Variants in CDYL observed in about 807,000 individuals in gnomAD.
CDYL encodes the protein chromodomain Y-like protein.
CDYL carries 8 observed loss-of-function variants against 47.3 expected under a neutral mutation model. The observed-to-expected ratio is 0.17, with a 90% CI of 0.10 to 0.31. The LOEUF is 0.31. Among genes scored for constraint, CDYL ranks in the 10% least tolerant of loss-of-function variants. The pLI, the probability that CDYL is intolerant of heterozygous loss-of-function variation, is 1.00. For missense variants in CDYL, 471 were observed against 701.4 expected, an observed-to-expected ratio of 0.67 and a Z score of 3.71; for synonymous variants, 266 against 265.0, an observed-to-expected ratio of 1.00 and a Z score of -0.04.
chr6:4,716,113 G>C (rs1431190784), intron 2 of CDYL, among the ~76,000 whole-genome samples: 1 of 151,994 alleles, frequency 6.6e-6, no homozygotes, highest in Non-Finnish European at 1.5e-5. Context: ...GCCTGGCGTG[G>C]TGTGGGTGCC....
rs929492726 is a variant in CDYL, at chr6:4,725,763, G to A, written c.104-8999G>A. ...CAGAAAGGGGCTCCCACAGTGCAGC[G>A]GCGGGCTGAGGGGCTCAAGCGTGGC... On this transcript the variant is annotated intron_variant, in intron 2 of 8. Transcript: ENST00000328908. Among the ~76,000 whole-genome samples the A allele has an allele frequency of 9.9e-5, 15 of 152,256 alleles. 1 individual carries two copies. The highest frequency in any genetic ancestry group is 1.3e-4 in the Admixed American group (2 of 15,288).
At chr6:4,732,507 A>T (rs186667617) in intron 2 of CDYL, among the ~76,000 whole-genome samples, 7 of 151,578 alleles carry the variant, frequency 4.6e-5, no homozygotes, top group African/African-American at 1.7e-4. Context: ...ATTAAAAAAT[A>T]AAAAATTCAC....
intron 2 of CDYL, among the ~76,000 whole-genome samples, chr6:4,913,321 C>T (rs904555155): frequency 9.2e-5 from 14 of 152,118 alleles, no homozygotes; most frequent in South Asian, 2.1e-4. Context: ...AGCATTACAT[C>T]GGTAATTTGC....
chr6:4,907,490 G>A (rs1003883121), intron 2 of CDYL, among the ~76,000 whole-genome samples: 11 of 152,052 alleles, frequency 7.2e-5, no homozygotes, highest in African/African-American at 2.4e-4. Flanking sequence ...CCAAGTAGCC[G>A]GGACTGCAGG....
At chr6:4,844,243 GTTCA>G (rs1016396109) in intron 1 of CDYL, among the ~76,000 whole-genome samples, 4 of 152,296 alleles carry the variant, frequency 2.6e-5, no homozygotes, top group African/African-American at 7.2e-5. Flanking sequence ...GTTTGGTTTT[GTTCA>G]TTGTTACTAG....
At chr6:4,932,568 A>G (rs977072250) in intron 2 of CDYL, among the ~76,000 whole-genome samples, 1 of 152,200 alleles carries the variant, frequency 6.6e-6, no homozygotes, top group African/African-American at 2.4e-5. Flanking sequence ...GTGCTTGGAT[A>G]TAGCAGCAAT....
intron 2 of CDYL, among the ~76,000 whole-genome samples, chr6:4,918,306 G>A (rs917550982): frequency 1.3e-5 from 2 of 151,812 alleles, no homozygotes; most frequent in Non-Finnish European, 2.9e-5. Context: ...CTTTTTAATT[G>A]TTGTTGTTAT....
chr6:4,846,193 A>C (rs1227462572), intron 1 of CDYL, among the ~76,000 whole-genome samples: 1 of 151,708 alleles, frequency 6.6e-6, no homozygotes, highest in Non-Finnish European at 1.5e-5. Context: ...TAAAAAAAAA[A>C]AAAAAAGGTG....
intron 1 of CDYL, among the ~76,000 whole-genome samples, chr6:4,789,614 G>A (rs1340262499): frequency 6.6e-6 from 1 of 152,170 alleles, no homozygotes; most frequent in Admixed American, 6.5e-5. Flanking sequence ...CTTTTGAGGG[G>A]CCATGTGCAT....
At chr6:4,870,660 T>C (rs1313669080) in intron 1 of CDYL, among the ~76,000 whole-genome samples, 1 of 152,216 alleles carries the variant, frequency 6.6e-6, no homozygotes, top group East Asian at 1.9e-4. Context: ...GCACTGTTGC[T>C]GTTTCCCCAC....
chr6:4,864,091 T>C (rs1253141686), intron 1 of CDYL, among the ~76,000 whole-genome samples: 1 of 152,170 alleles, frequency 6.6e-6, no homozygotes. Context: ...ACAGTAATCA[T>C]AGAAGTATGA....
intron 2 of CDYL, among the ~76,000 whole-genome samples, chr6:4,929,230 T>C (rs998598861): frequency 6.6e-6 from 1 of 152,152 alleles, no homozygotes; most frequent in African/African-American, 2.4e-5. Flanking sequence ...AGGTTGGCTT[T>C]TTTTTTTCTC....
rs1215451492 is a variant in CDYL, at chr6:4,762,106, G to C, written c.186+27262G>C. ...AGCCACAAAGATCTAAGGTGACAGG[G>C]ATTGGTGCTCAGTTTCCATCAAGGG... On this transcript the variant is annotated intron_variant, in intron 3 of 8. Coordinates refer to the CDYL transcript ENST00000328908. Among the ~76,000 whole-genome samples the C allele has an allele frequency of 2.6e-5, 4 of 152,190 alleles. No homozygotes were observed. The South Asian group carries it at 8.3e-4, about 32-fold the overall frequency.
intron 2 of CDYL, among the ~76,000 whole-genome samples, chr6:4,929,610 G>T (rs1243535261): frequency 6.6e-6 from 1 of 151,436 alleles, no homozygotes; most frequent in South Asian, 2.1e-4. Flanking sequence ...CAGGTTCATC[G>T]TTTTTTCTGT....
At chr6:4,776,869 C>T in intron 1 of CDYL, 62 bp downstream of exon 1, 1 of 759,044 alleles carries the variant, frequency 1.3e-6, no homozygotes, top group Non-Finnish European at 1.6e-6. Flanking sequence ...GGCCCGGCCG[C>T]GCCGCCCGAC....
chr6:4,852,141 C>T (rs1372571357), intron 1 of CDYL, among the ~76,000 whole-genome samples: 10 of 152,158 alleles, frequency 6.6e-5, no homozygotes, highest in Admixed American at 6.5e-4. Context: ...AATGTTTCAA[C>T]ATGTGGATTT....
intron 1 of CDYL, among the ~76,000 whole-genome samples, chr6:4,865,456 T>C (rs1263208455): frequency 1.3e-5 from 2 of 152,240 alleles, no homozygotes; most frequent in Admixed American, 6.5e-5. Context: ...TTGCTCCATC[T>C]GTGAGTCACA....
intron 3 of CDYL, among the ~76,000 whole-genome samples, chr6:4,752,593 A>G (rs764572072): frequency 6.6e-6 from 1 of 152,184 alleles, no homozygotes; most frequent in Non-Finnish European, 1.5e-5. Context: ...TTCAAATAGA[A>G]TAGGTGAGCA....
chr6:4,737,860 A>G (rs975617910), intron 3 of CDYL, among the ~76,000 whole-genome samples: 1 of 152,164 alleles, frequency 6.6e-6, no homozygotes, highest in Non-Finnish European at 1.5e-5. Flanking sequence ...AAACGGACAA[A>G]TGTTTAAAAA....
Sources: allele counts gnomAD v4.1 joint callset (sites outside exome capture counted in the v4.1 genomes callset), GRCh38; gene constraint gnomAD v4.1.1; transcripts MANE v1.5; gene names NCBI Gene and HGNC (gene_info 2026-07-23, HGNC 2026-07-21).